TLL1: variants seen among roughly 807,000 people sequenced by gnomAD.
TLL1 encodes the protein tolloid-like protein 1.
Under a neutral mutation model 128.2 loss-of-function variants are expected in TLL1, and 49 were observed. The observed-to-expected ratio is 0.38, with a 90% CI of 0.30 to 0.48. The LOEUF (loss-of-function observed/expected upper bound fraction) is 0.48. Among genes scored for constraint, TLL1 ranks in the 20% least tolerant of loss-of-function variants. The pLI, the probability that TLL1 is intolerant of heterozygous loss-of-function variation, is 0.96. For synonymous variants in TLL1, 454 were observed against 418.8 expected (o/e 1.08, Z -1.03); for missense variants, 1,123 against 1,242.0 (o/e 0.90, Z 1.44).
At chr4:165,916,340 C>T (rs142902791) in intron 1 of TLL1, among the ~76,000 whole-genome samples, 148 of 152,224 alleles carry the variant, frequency 9.7e-4, no homozygotes, top group African/African-American at 3.2e-3. Flanking sequence ...TTTTGACAGG[C>T]GTTGGGTGCA....
At chr4:166,078,626 T>C (rs1741144975) in intron 18 of TLL1, among the ~76,000 whole-genome samples, 1 of 152,218 alleles carries the variant, frequency 6.6e-6, no homozygotes, top group Non-Finnish European at 1.5e-5. Context: ...CATTCTGCAT[T>C]CTGGCCTGGT....
intron 1 of TLL1, among the ~76,000 whole-genome samples, chr4:165,952,126 G>A (rs1215555030): frequency 6.6e-6 from 1 of 152,100 alleles, no homozygotes; most frequent in Non-Finnish European, 1.5e-5. Context: ...TAAAAAGGGA[G>A]AATTTCCTGC....
chr4:166,026,390 C>A (rs546370347), intron 9 of TLL1, among the ~76,000 whole-genome samples: 4 of 147,826 alleles, frequency 2.7e-5, no homozygotes, highest in Admixed American at 2.7e-4. Context: ...AAGGCTCTGT[C>A]AAAAACAAAA....
At chr4:165,884,590 C>T (rs981285641) in intron 1 of TLL1, among the ~76,000 whole-genome samples, 3 of 152,190 alleles carry the variant, frequency 2.0e-5, no homozygotes, top group African/African-American at 7.2e-5. Flanking sequence ...AATCCCAACA[C>T]TTTGGGAGGC....
Position 166,025,282 on chromosome 4 carries a change from T to C in TLL1, c.1043-34T>C. ...TGATATTCACGTATTTTATATAAAT[T>C]AACCAATGATCTTATATATTTTTTT... On this transcript the variant is annotated intron_variant, in intron 8 of 20. Transcript: ENST00000061240. 8 of 1,428,568 alleles carry C rather than the reference T, an allele frequency of 5.6e-6. No homozygotes were observed. In the South Asian group the frequency reaches 8.0e-5, roughly 14 times the overall value. The allele number at this position is 1,428,568 out of a possible 1,614,324, so 88.5% of individuals were successfully genotyped here.
rs1222556802 is a variant in TLL1 at position 166,101,758 on chromosome 4, C to G, written c.*882C>G. On this transcript the variant is annotated 3_prime_UTR_variant, in exon 21 of 21. Coordinates refer to ENST00000061240, the MANE Select transcript of TLL1 (RefSeq NM_012464.5). ...GGATGGTTCATTACTCAAGTTACTG[C>G]TGCTGCTATTGTCTTTCCTTTGTTG... 1.3e-5 allele frequency: 2 copies of G among 152,398 alleles called. No homozygotes were observed. Among genetic ancestry groups the G allele is most frequent in the Non-Finnish European group, 2.9e-5 (2 of 67,984 alleles). 9.4% of individuals were successfully genotyped at this position (152,398 alleles called of 1,614,324 possible).
chr4:166,052,060 A>G (rs1275840786), intron 12 of TLL1, among the ~76,000 whole-genome samples: 1 of 152,164 alleles, frequency 6.6e-6, no homozygotes, highest in African/African-American at 2.4e-5. Flanking sequence ...TATTAAAGGA[A>G]TAGAGTGAGT....
At position 165,873,739 on chromosome 4, in the gene TLL1, G is replaced by C; in HGVS notation, c.-166G>C. 1 of 681,536 alleles carries C rather than the reference G, an allele frequency of 1.5e-6. No individual in the cohort carries two copies. The highest frequency in any genetic ancestry group is 2.5e-6 in the Non-Finnish European group (1 of 396,074). 42.2% of individuals were successfully genotyped at this position (681,536 alleles called of 1,614,324 possible). On this transcript the variant is annotated 5_prime_UTR_variant, in exon 1 of 21. Coordinates refer to ENST00000061240, the MANE Select transcript of TLL1 (RefSeq NM_012464.5). ...ACAGGCAGTGCTTGCCCTCTCTACT[G>C]TCCCGGCGGCATCCACATGTTTCCG...
chr4:165,984,733 G>A (rs183545578), intron 1 of TLL1, among the ~76,000 whole-genome samples: 93 of 151,934 alleles, frequency 6.1e-4, no homozygotes, highest in African/African-American at 2.0e-3. Flanking sequence ...TATTTCCTGG[G>A]CATATAAGTG....
intron 1 of TLL1, among the ~76,000 whole-genome samples, chr4:165,930,359 T>A (rs561635213): frequency 1.3e-5 from 2 of 152,292 alleles, no homozygotes; most frequent in Non-Finnish European, 2.9e-5. Flanking sequence ...ATAGGAGAAT[T>A]TAAAGTATTC....
chr4:166,031,278 G>A (rs1007639451), intron 9 of TLL1, among the ~76,000 whole-genome samples: 2 of 149,502 alleles, frequency 1.3e-5, no homozygotes, highest in African/African-American at 2.5e-5. Flanking sequence ...CTTATTATAT[G>A]AATATAAACA....
chr4:166,054,014 C>G (rs138064608), intron 12 of TLL1, among the ~76,000 whole-genome samples: 1 of 152,048 alleles, frequency 6.6e-6, no homozygotes, highest in African/African-American at 2.4e-5. Flanking sequence ...AAGTTCAGGG[C>G]TGAAACATGG....
chr4:165,961,426 G>T (rs937908815), intron 1 of TLL1, among the ~76,000 whole-genome samples: 1 of 152,030 alleles, frequency 6.6e-6, no homozygotes, highest in South Asian at 2.1e-4. Flanking sequence ...CATGATTCCT[G>T]TCAAACTGCC....
chr4:166,093,692 A>G (rs1741889500), intron 19 of TLL1, among the ~76,000 whole-genome samples: 1 of 152,114 alleles, frequency 6.6e-6, no homozygotes, highest in East Asian at 1.9e-4. Context: ...CCACGATGCC[A>G]TATTTCAGAC....
chr4:166,081,631 C>T (rs542274162), intron 18 of TLL1, among the ~76,000 whole-genome samples: 1 of 152,174 alleles, frequency 6.6e-6, no homozygotes, highest in African/African-American at 2.4e-5. Flanking sequence ...ACCAACATCT[C>T]TTCCTCTTGT....
chr4:165,967,646 G>A (rs539490922), intron 1 of TLL1, among the ~76,000 whole-genome samples: 1 of 152,270 alleles, frequency 6.6e-6, no homozygotes, highest in South Asian at 2.1e-4. Flanking sequence ...TGAGTGGCAT[G>A]CCAGAGGCCA....
intron 1 of TLL1, among the ~76,000 whole-genome samples, chr4:165,977,874 T>A (rs1007432114): frequency 1.2e-4 from 18 of 152,136 alleles, no homozygotes; most frequent in African/African-American, 3.6e-4. Context: ...AGGTAATGTG[T>A]TGTTTAAAAT....
chr4:165,899,528 G>A (rs10020670), intron 1 of TLL1, among the ~76,000 whole-genome samples: 23,997 of 152,024 alleles, frequency 0.16, 2,224 homozygotes, highest in East Asian at 0.31. Flanking sequence ...GTATTTGTGC[G>A]GTTTTGAGTG....
chr4:165,873,820 G>T lies in TLL1; in HGVS notation c.-85G>T. On this transcript the variant is annotated 5_prime_UTR_variant, in exon 1 of 21. Coordinates refer to ENST00000061240, the MANE Select transcript of TLL1 (RefSeq NM_012464.5). Reference sequence around the variant, plus strand: ...GCCTCCGGGTGGGGAGAAGAGCACCGGTGCCCCTAGCCCCGCACATCAGCG... The same window carrying T: ...GCCTCCGGGTGGGGAGAAGAGCACCTGTGCCCCTAGCCCCGCACATCAGCG... 2.0e-6 allele frequency: 3 copies of T among 1,514,638 alleles called. No homozygotes were observed. The highest frequency in any genetic ancestry group is 1.8e-6 in the Non-Finnish European group (2 of 1,097,180). The allele number at this position is 1,514,638 out of a possible 1,614,324, so 93.8% of individuals were successfully genotyped here.
Sources: allele counts gnomAD v4.1 joint callset (sites outside exome capture counted in the v4.1 genomes callset), GRCh38; gene constraint gnomAD v4.1.1; transcripts MANE v1.5; gene names NCBI Gene and HGNC (gene_info 2026-07-23, HGNC 2026-07-21).